DCC: variants seen among roughly 807,000 people sequenced by gnomAD.
The protein encoded by DCC is DCC netrin 1 receptor.
A neutral mutation model predicts 172.5 loss-of-function variants in DCC; 58 were observed. The observed-to-expected ratio is 0.34, with a 90% CI of 0.27 to 0.42. The LOEUF (loss-of-function observed/expected upper bound fraction) is 0.42, where lower values mean the gene tolerates loss of function less well. Ranked by LOEUF, DCC falls within the 10% of genes least tolerant of loss-of-function variation. The pLI is 1.00. For missense variants in DCC, 1,740 were observed against 1,791.0 expected, an observed-to-expected ratio of 0.97 and a Z score of 0.51; for synonymous variants, 709 against 644.5, an observed-to-expected ratio of 1.10 and a Z score of -1.52.
intron 1 of DCC, among the ~76,000 whole-genome samples, chr18:52,461,567 A>G (rs1306479488): frequency 6.6e-6 from 1 of 152,208 alleles, no homozygotes. Context: ...CATCACCACA[A>G]ACACATGAGT....
At chr18:52,956,262 A>AT (rs904325341) in intron 5 of DCC, among the ~76,000 whole-genome samples, 14 of 151,316 alleles carry the variant, frequency 9.3e-5, no homozygotes, top group African/African-American at 2.2e-4. Context: ...CTGTGTCTAG[A>AT]TTTTTTTTTA....
chr18:53,375,284 CTA>C (rs1417518154), intron 15 of DCC, among the ~76,000 whole-genome samples: 14 of 152,088 alleles, frequency 9.2e-5, no homozygotes, highest in Non-Finnish European at 1.5e-4. Context: ...TAATGCTCTG[CTA>C]TGTCTTTGAT....
intron 1 of DCC, among the ~76,000 whole-genome samples, chr18:52,347,957 G>C (rs1011401291): frequency 8.1e-4 from 124 of 152,172 alleles, no homozygotes; most frequent in African/African-American, 2.9e-3. Context: ...AAATACCCAT[G>C]TACCCACTAG....
At chr18:52,696,133 A>T (rs540585333) in intron 1 of DCC, among the ~76,000 whole-genome samples, 1 of 152,356 alleles carries the variant, frequency 6.6e-6, no homozygotes, top group East Asian at 1.9e-4. Flanking sequence ...ATAACTTAAA[A>T]CAATTTTCAG....
intron 5 of DCC, among the ~76,000 whole-genome samples, chr18:53,052,109 G>A (rs764207022): frequency 6.6e-6 from 1 of 151,874 alleles, no homozygotes; most frequent in East Asian, 1.9e-4. Context: ...ATATTTGGTG[G>A]CATCTATTAT....
intron 15 of DCC, among the ~76,000 whole-genome samples, chr18:53,375,886 T>G (rs938181049): frequency 6.6e-6 from 1 of 152,092 alleles, no homozygotes; most frequent in Admixed American, 6.5e-5. Flanking sequence ...CAAAGGCTGC[T>G]CTGCATAATG....
intron 1 of DCC, among the ~76,000 whole-genome samples, chr18:52,385,137 A>T (rs1015500402): frequency 6.6e-6 from 1 of 152,144 alleles, no homozygotes; most frequent in Non-Finnish European, 1.5e-5. Context: ...ATTGCTTAAA[A>T]TTCCCTGAAA....
intron 1 of DCC, among the ~76,000 whole-genome samples, chr18:52,631,334 G>C (rs2034671978): frequency 6.6e-6 from 1 of 152,190 alleles, no homozygotes. Flanking sequence ...AAGCTTAGAG[G>C]AAAGATGCAT....
At chr18:52,613,843 A>T (rs948987740) in intron 1 of DCC, among the ~76,000 whole-genome samples, 2 of 152,156 alleles carry the variant, frequency 1.3e-5, no homozygotes, top group African/African-American at 4.8e-5. Context: ...TGGGTCCTAT[A>T]CTGGTGGTGT....
At chr18:52,816,229 C>A (rs1016631953) in intron 2 of DCC, among the ~76,000 whole-genome samples, 1 of 152,148 alleles carries the variant, frequency 6.6e-6, no homozygotes, top group East Asian at 1.9e-4. Context: ...ATTCATAGGT[C>A]CAGCCATTGT....
intron 5 of DCC, among the ~76,000 whole-genome samples, chr18:52,989,358 A>C (rs1476920188): frequency 1.3e-5 from 2 of 152,098 alleles, no homozygotes; most frequent in African/African-American, 4.8e-5. Flanking sequence ...CCCTGTCTCT[A>C]CTAAAAATAT....
intron 1 of DCC, among the ~76,000 whole-genome samples, chr18:52,601,533 C>T (rs1255862427): frequency 6.6e-6 from 1 of 151,904 alleles, no homozygotes; most frequent in Non-Finnish European, 1.5e-5. Context: ...AAGGAGTTTG[C>T]CATTTTATCT....
At chr18:52,491,475 G>C (rs1279477313) in intron 1 of DCC, among the ~76,000 whole-genome samples, 2 of 152,078 alleles carry the variant, frequency 1.3e-5, no homozygotes, top group Non-Finnish European at 2.9e-5. Context: ...AAAAGTGTGA[G>C]TGATTGGCAA....
chr18:53,291,104 G>T (rs1177691248), intron 12 of DCC, among the ~76,000 whole-genome samples: 1 of 151,940 alleles, frequency 6.6e-6, no homozygotes, highest in Non-Finnish European at 1.5e-5. Context: ...GGAGGCGGAC[G>T]TTGCAGTGAG....
intron 1 of DCC, among the ~76,000 whole-genome samples, chr18:52,572,226 C>T (rs981489181): frequency 6.6e-6 from 1 of 152,094 alleles, no homozygotes; most frequent in South Asian, 2.1e-4. Flanking sequence ...AAGCAAAGCA[C>T]AAGTGGGCAG....
intron 14 of DCC, among the ~76,000 whole-genome samples, chr18:53,322,673 A>T (rs2144828352): frequency 6.6e-6 from 1 of 151,894 alleles, no homozygotes; most frequent in East Asian, 1.9e-4. Context: ...TGAAACATTT[A>T]TCAGTAGGAT....
At chr18:52,654,446 A>G (rs1446048691) in intron 1 of DCC, among the ~76,000 whole-genome samples, 1 of 152,066 alleles carries the variant, frequency 6.6e-6, no homozygotes, top group Non-Finnish European at 1.5e-5. Flanking sequence ...TAAACAACAG[A>G]CATTTATTGT....
At chr18:53,279,554 G>A (rs1427823583) in intron 12 of DCC, among the ~76,000 whole-genome samples, 4 of 149,258 alleles carry the variant, frequency 2.7e-5, no homozygotes, top group African/African-American at 4.9e-5. Context: ...GTTAAATGAC[G>A]AGTTAATGGG....
At chr18:52,713,133 AAGTTG>A (rs1185299126) in intron 1 of DCC, among the ~76,000 whole-genome samples, 4 of 152,344 alleles carry the variant, frequency 2.6e-5, no homozygotes, top group Admixed American at 2.6e-4. Flanking sequence ...GGACTTGTCC[AAGTTG>A]ATGTTCAATT....
Sources: gnomAD v4.1 joint callset for allele counts (sites outside exome capture counted in the v4.1 genomes callset) on GRCh38, gnomAD v4.1.1 for gene constraint, MANE v1.5 for transcripts, NCBI Gene and HGNC (gene_info 2026-07-23, HGNC 2026-07-21) for gene names.